The following SLC14A2 variants were observed in gnomAD, a reference collection of about 807,000 sequenced individuals.
SLC14A2 encodes the protein urea transporter 2.
SLC14A2 carries 91 observed loss-of-function variants against 104.6 expected under a neutral mutation model. The observed-to-expected ratio is 0.87, with a 90% CI of 0.73 to 1.04. SLC14A2 has a LOEUF of 1.04. SLC14A2 is among the 50% of genes least tolerant of loss of function. The pLI, the probability that SLC14A2 is intolerant of heterozygous loss-of-function variation, is 0.00. For synonymous variants in SLC14A2, 476 were observed against 466.4 expected (o/e 1.02, Z -0.27); for missense variants, 1,189 against 1,156.0 (o/e 1.03, Z -0.41).
At chr18:45,382,593 G>T (rs555688937) in intron 1 of SLC14A2, among the ~76,000 whole-genome samples, 54 of 152,254 alleles carry the variant, frequency 3.5e-4, no homozygotes, top group Admixed American at 2.7e-3. Flanking sequence ...CTGAATTATA[G>T]AAAAGAATTC....
At chr18:45,192,719 T>C in the SLC14A2 span, among the ~76,000 whole-genome samples, 1 of 151,992 alleles carries the variant, frequency 6.6e-6, no homozygotes, top group Non-Finnish European at 1.5e-5. Flanking sequence ...TGCAGTGGTA[T>C]AGTCTTGGCT....
At chr18:45,400,096 A>C (rs2086079314) in intron 1 of SLC14A2, among the ~76,000 whole-genome samples, 1 of 152,234 alleles carries the variant, frequency 6.6e-6, no homozygotes. Context: ...CAAACTTACA[A>C]AAAAAGTTGC....
intron 1 of SLC14A2, among the ~76,000 whole-genome samples, chr18:45,321,471 C>T (rs1274543952): frequency 1.3e-5 from 2 of 152,294 alleles, no homozygotes; most frequent in South Asian, 2.1e-4. Flanking sequence ...TTTTAAAAAG[C>T]TAGTCCATTC....
rs369942907 is a variant in SLC14A2, at chr18:45,679,074, C to T, written c.2562+50C>T. 5.9e-5 allele frequency: 92 copies of T among 1,567,986 alleles called. No homozygotes were observed. The African/African-American group carries it at 1.2e-3, about 20-fold the overall frequency. Reference sequence around the variant, plus strand: ...TGCCTACAACATCCTTCCTGGTGTCCTCTTGGCTTCCCCAAACCTGCTGAA... The same window carrying T: ...TGCCTACAACATCCTTCCTGGTGTCTTCTTGGCTTCCCCAAACCTGCTGAA... On this transcript the variant is annotated intron_variant, in intron 19 of 19. Transcript: ENST00000255226.
At chr18:45,506,138 G>A (rs1355072648) in intron 2 of SLC14A2, among the ~76,000 whole-genome samples, 2 of 152,210 alleles carry the variant, frequency 1.3e-5, no homozygotes, top group African/African-American at 4.8e-5. Flanking sequence ...GTCAGGTCCA[G>A]TCCTGTACCC....
At chr18:45,611,263 G>A (rs1303051080), upstream of SLC14A2, among the ~76,000 whole-genome samples, 2 of 152,174 alleles carry the variant, frequency 1.3e-5, no homozygotes, top group Admixed American at 1.3e-4. Context: ...AGCATCTGAT[G>A]GTATCTGTCC....
intron 6 of SLC14A2, among the ~76,000 whole-genome samples, chr18:45,639,233 A>C (rs1398794914): frequency 1.3e-5 from 2 of 152,176 alleles, no homozygotes; most frequent in African/African-American, 4.8e-5. Context: ...TGACAAAGAG[A>C]CAGCAAGGGT....
intron 1 of SLC14A2, among the ~76,000 whole-genome samples, chr18:45,364,378 G>A (rs922511706): frequency 9.9e-5 from 15 of 152,190 alleles, no homozygotes; most frequent in African/African-American, 3.4e-4. Context: ...TACTAGGTGT[G>A]AAGACTCTTT....
At chr18:45,420,326 C>T (rs1018078467) in intron 1 of SLC14A2, among the ~76,000 whole-genome samples, 6 of 151,872 alleles carry the variant, frequency 4.0e-5, no homozygotes, top group Admixed American at 2.6e-4. Context: ...AAGTCATATA[C>T]CATAACTTCT....
At chr18:45,563,555 C>T (rs772245352) in intron 2 of SLC14A2, among the ~76,000 whole-genome samples, 1 of 152,196 alleles carries the variant, frequency 6.6e-6, no homozygotes, top group South Asian at 2.1e-4. Flanking sequence ...CTGACACATC[C>T]GTAATACTTT....
intron 1 of SLC14A2, among the ~76,000 whole-genome samples, chr18:45,377,679 A>AC: frequency 6.6e-6 from 1 of 151,798 alleles, no homozygotes; most frequent in Admixed American, 6.6e-5. Context: ...GCTGTTCTCT[A>AC]CCTCTAAGAC....
chr18:45,319,335 G>A (rs1284288577), intron 1 of SLC14A2, among the ~76,000 whole-genome samples: 1 of 152,194 alleles, frequency 6.6e-6, no homozygotes, highest in Non-Finnish European at 1.5e-5. Flanking sequence ...AGGCAACATT[G>A]GTTATATTCC....
chr18:45,277,419 C>CT (rs1053759312), intron 1 of SLC14A2, among the ~76,000 whole-genome samples: 5 of 152,162 alleles, frequency 3.3e-5, no homozygotes, highest in East Asian at 3.9e-4. Flanking sequence ...GTTAGTTTTT[C>CT]TTTTTTTCTT....
chr18:45,540,075 T>A (rs1274139753), intron 2 of SLC14A2, among the ~76,000 whole-genome samples: 1 of 152,082 alleles, frequency 6.6e-6, no homozygotes, highest in Non-Finnish European at 1.5e-5. Context: ...TTTCTTTTTT[T>A]CTTTCTTTCT....
intron 1 of SLC14A2, among the ~76,000 whole-genome samples, chr18:45,473,093 A>G (rs1047753603): frequency 6.6e-6 from 1 of 152,224 alleles, no homozygotes; most frequent in Non-Finnish European, 1.5e-5. Flanking sequence ...TTTTCTGCAT[A>G]TGGCTAGCCA....
At chr18:45,526,126 G>A (rs1167172460) in intron 2 of SLC14A2, among the ~76,000 whole-genome samples, 3 of 152,234 alleles carry the variant, frequency 2.0e-5, no homozygotes, top group African/African-American at 7.2e-5. Context: ...TTTACATTGT[G>A]GCTATAAGTA....
At chr18:45,219,193 G>T (rs544331018) in intron 1 of SLC14A2, among the ~76,000 whole-genome samples, 1 of 152,072 alleles carries the variant, frequency 6.6e-6, no homozygotes, top group Non-Finnish European at 1.5e-5. Flanking sequence ...CATATTATTC[G>T]TTTTAAAATC....
chr18:45,600,200 C>T (rs1339173208), intron 2 of SLC14A2, among the ~76,000 whole-genome samples: 3 of 152,194 alleles, frequency 2.0e-5, no homozygotes, highest in South Asian at 2.1e-4. Flanking sequence ...CTTTCTTCCA[C>T]GAGTGCTCTT....
intron 2 of SLC14A2, among the ~76,000 whole-genome samples, chr18:45,503,711 G>A (rs1334148343): frequency 1.3e-5 from 2 of 152,110 alleles, no homozygotes; most frequent in African/African-American, 4.8e-5. Context: ...AGAGAGACTG[G>A]TGCCCCTCTC....
Sources: allele counts gnomAD v4.1 joint callset (sites outside exome capture counted in the v4.1 genomes callset), GRCh38; gene constraint gnomAD v4.1.1; transcripts MANE v1.5; gene names NCBI Gene and HGNC (gene_info 2026-07-23, HGNC 2026-07-21).